Variants in ZYG11B observed in about 807,000 individuals in gnomAD.
The protein encoded by ZYG11B is protein zyg-11 homolog B.
A neutral mutation model predicts 82.4 loss-of-function variants in ZYG11B; 36 were observed. The observed-to-expected ratio is 0.44, with a 90% CI of 0.33 to 0.58. ZYG11B has a LOEUF of 0.58. ZYG11B is among the 20% of genes least tolerant of loss of function. The pLI, the probability that ZYG11B is intolerant of heterozygous loss-of-function variation, is 0.02. For missense variants in ZYG11B, 552 were observed against 895.6 expected (o/e 0.62, Z 4.90); for synonymous variants, 303 against 312.8 (o/e 0.97, Z 0.33).
chr1:52,734,205 C>T (rs1016716109), intron 1 of ZYG11B, among the ~76,000 whole-genome samples: 1 of 151,866 alleles, frequency 6.6e-6, no homozygotes, highest in African/African-American at 2.4e-5. Flanking sequence ...GATTATGTTG[C>T]CAGGCTGGTC....
chr1:52,816,232 T>G (rs532055168), intron 12 of ZYG11B, among the ~76,000 whole-genome samples: 9 of 152,268 alleles, frequency 5.9e-5, no homozygotes, highest in East Asian at 5.8e-4. Context: ...TTTCTTAGTT[T>G]CCAAACCAAG....
chr1:52,812,845 G>C (rs479581), intron 10 of ZYG11B, among the ~76,000 whole-genome samples: 54,080 of 151,500 alleles, frequency 0.36, 10,517 homozygotes, highest in East Asian at 0.59. Flanking sequence ...TCGTGCCTCA[G>C]CCTCCCAAGT....
intron 1 of ZYG11B, among the ~76,000 whole-genome samples, chr1:52,735,954 T>C (rs1644375455): frequency 6.6e-6 from 1 of 152,114 alleles, no homozygotes; most frequent in East Asian, 1.9e-4. Context: ...CCAGTAGGAA[T>C]TCAGTAATAT....
At chr1:52,769,778 G>A (rs1296012272) in intron 2 of ZYG11B, among the ~76,000 whole-genome samples, 1 of 152,200 alleles carries the variant, frequency 6.6e-6, no homozygotes, top group Non-Finnish European at 1.5e-5. Context: ...GGCCAGCTAA[G>A]ATGCCGCCTT....
At chr1:52,762,939 G>C (rs1267035342) in intron 2 of ZYG11B, among the ~76,000 whole-genome samples, 1 of 136,366 alleles carries the variant, frequency 7.3e-6, no homozygotes, top group Non-Finnish European at 1.5e-5. Flanking sequence ...TTAGGTCTTT[G>C]ATTCATTTTG....
At chr1:52,819,091 G>A (rs923709744) in intron 13 of ZYG11B, among the ~76,000 whole-genome samples, 3 of 152,046 alleles carry the variant, frequency 2.0e-5, no homozygotes, top group African/African-American at 4.8e-5. Context: ...CTCTTGTATT[G>A]TTTGATGAAA....
chr1:52,765,493 A>AGTTTTTT (rs146928442), intron 2 of ZYG11B, among the ~76,000 whole-genome samples: 10 of 151,870 alleles, frequency 6.6e-5, no homozygotes, highest in Non-Finnish European at 5.9e-5. Context: ...CACCACACTC[A>AGTTTTTT]GTTTTTTGTT....
intron 12 of ZYG11B, among the ~76,000 whole-genome samples, chr1:52,814,274 G>GC (rs1162656525): frequency 6.6e-6 from 1 of 152,156 alleles, no homozygotes; most frequent in African/African-American, 2.4e-5. Context: ...GCCTGCCTGG[G>GC]CCCCCCTAAG....
chr1:52,767,065 T>G lies in ZYG11B; in HGVS notation c.197-3955T>G, dbSNP rs962237950. ...TATGTTATTTTATTTTATGTTATTT[T>G]TATTTTTTATGTTATTTTATGTTAT... On this transcript the variant is annotated intron_variant, in intron 2 of 13. Coordinates refer to ENST00000294353, the MANE Select transcript of ZYG11B (RefSeq NM_024646.3). Among the ~76,000 whole-genome samples, 5 of 144,968 alleles carry G rather than the reference T, an allele frequency of 3.4e-5. No individual in the cohort carries two copies. In the East Asian group the frequency reaches 9.7e-4, roughly 28 times the overall value.
chr1:52,795,656 GT>G (rs1380501092), intron 6 of ZYG11B, among the ~76,000 whole-genome samples: 3 of 152,062 alleles, frequency 2.0e-5, no homozygotes, highest in Non-Finnish European at 4.4e-5. Flanking sequence ...TTCCTCAAAA[GT>G]TTCAATGAGG....
At chr1:52,799,080 T>C (rs1281114838) in intron 8 of ZYG11B, among the ~76,000 whole-genome samples, 1 of 152,066 alleles carries the variant, frequency 6.6e-6, no homozygotes, top group African/African-American at 2.4e-5. Flanking sequence ...TATGTAATTA[T>C]AATTCACACT....
At chr1:52,751,357 C>T (rs530496171) in intron 1 of ZYG11B, among the ~76,000 whole-genome samples, 4 of 143,892 alleles carry the variant, frequency 2.8e-5, no homozygotes, top group East Asian at 2.2e-4. Context: ...ATAGCCAGCG[C>T]GGTGGCTCAC....
At chr1:52,767,148 T>A (rs1294145887) in intron 2 of ZYG11B, among the ~76,000 whole-genome samples, 1 of 145,184 alleles carries the variant, frequency 6.9e-6, no homozygotes, top group East Asian at 2.1e-4. Context: ...TTATGTTGTT[T>A]TGTTATTTTA....
intron 4 of ZYG11B, among the ~76,000 whole-genome samples, chr1:52,784,568 T>G (rs1644897013): frequency 6.6e-6 from 1 of 152,194 alleles, no homozygotes; most frequent in South Asian, 2.1e-4. Context: ...CAGTGAGAAT[T>G]TATTCACTGC....
chr1:52,808,710 G>A (rs994408739), intron 10 of ZYG11B, among the ~76,000 whole-genome samples: 1 of 152,130 alleles, frequency 6.6e-6, no homozygotes, highest in Non-Finnish European at 1.5e-5. Flanking sequence ...CCATATTGGA[G>A]TCCTTTGGAG....
chr1:52,797,421 T>TATATATA (rs1558137802), intron 8 of ZYG11B, among the ~76,000 whole-genome samples: 2 of 102,724 alleles, frequency 1.9e-5, no homozygotes, highest in African/African-American at 8.4e-5. Flanking sequence ...TCATATATTA[T>TATATATA]ACATATTATA....
intron 1 of ZYG11B, among the ~76,000 whole-genome samples, chr1:52,739,102 C>CGGGG (rs1233822271): frequency 7.0e-4 from 106 of 150,946 alleles, no homozygotes; most frequent in Non-Finnish European, 1.3e-3. Context: ...ATTCTCCTGC[C>CGGGG]TCAGCCCCCG....
chr1:52,805,358 G>A, intron 10 of ZYG11B: 1 of 391,856 alleles, frequency 2.6e-6, no homozygotes, highest in Non-Finnish European at 5.1e-6. Flanking sequence ...ATTTAAGGAA[G>A]ACCTATCTGT....
chr1:52,756,747 C>T (rs1463208236), intron 2 of ZYG11B, 124 bp downstream of exon 2: 6 of 808,278 alleles, frequency 7.4e-6, no homozygotes, highest in Non-Finnish European at 7.5e-6. Flanking sequence ...AGCCTGATTC[C>T]AGGACTATGA....
Sources: allele counts gnomAD v4.1 joint callset (sites outside exome capture counted in the v4.1 genomes callset), GRCh38; gene constraint gnomAD v4.1.1; transcripts MANE v1.5; gene names NCBI Gene and HGNC (gene_info 2026-07-23, HGNC 2026-07-21).